Variants in PRKN observed in about 807,000 individuals in gnomAD.
PRKN encodes the protein E3 ubiquitin-protein ligase parkin.
In PRKN, 56 loss-of-function variants were observed where a neutral mutation model predicts 59.5. That is an observed-to-expected ratio of 0.94 (90% CI 0.76 to 1.18). The LOEUF (loss-of-function observed/expected upper bound fraction) is 1.18. PRKN is among the 50% of genes most tolerant of loss of function. The pLI is 0.00. For synonymous variants in PRKN, 250 were observed against 222.1 expected (o/e 1.13, Z -1.12); for missense variants, 657 against 596.4 (o/e 1.10, Z -1.06).
At chr6:161,606,545 A>G (rs1255119619) in intron 7 of PRKN, among the ~76,000 whole-genome samples, 2 of 152,216 alleles carry the variant, frequency 1.3e-5, no homozygotes, top group East Asian at 1.9e-4. Flanking sequence ...AAATAAATCT[A>G]TAAGGACAAA....
intron 1 of PRKN, among the ~76,000 whole-genome samples, chr6:162,469,236 C>T (rs1323324910): frequency 1.3e-5 from 2 of 150,744 alleles, no homozygotes; most frequent in African/African-American, 4.9e-5. Context: ...AAGAAAAGTT[C>T]AGAGGAGGCG....
rs2115427189 is a variant in PRKN, at chr6:161,549,106, G to A, written c.934-103C>T. ...GGGATTTCTTGCTTAACCAGTTTCA[G>A]TAAAATAATGCATGTGTGTGTGTGT... On this transcript the variant is annotated intron_variant, in intron 8 of 11. Coordinates refer to ENST00000366898, the MANE Select transcript of PRKN (RefSeq NM_004562.3). This position sits in a 1 kb window ranked among gnomAD's most constrained non-coding sequence, Gnocchi z 6.0. 1 of 1,281,366 alleles carries A rather than the reference G, an allele frequency of 7.8e-7. No individual in the cohort carries two copies. Among genetic ancestry groups the A allele is most frequent in the Non-Finnish European group, 1.1e-6 (1 of 892,400 alleles). The allele number at this position is 1,281,366 out of a possible 1,614,324, so 79.4% of individuals were successfully genotyped here. A position where few individuals can be genotyped will look rare whatever the true frequency, so the allele number is the denominator to read the frequency against.
intron 2 of PRKN, among the ~76,000 whole-genome samples, chr6:162,377,211 A>T (rs1015975394): frequency 1.1e-4 from 16 of 152,178 alleles, no homozygotes; most frequent in African/African-American, 3.9e-4. Flanking sequence ...ACTTGGTTGA[A>T]CTAATATTCA....
At chr6:161,731,684 C>T (rs572562789) in intron 7 of PRKN, among the ~76,000 whole-genome samples, 2 of 152,164 alleles carry the variant, frequency 1.3e-5, no homozygotes, top group South Asian at 4.1e-4. Context: ...GGATGGATTA[C>T]AAGTCAGAAA....
intron 1 of PRKN, among the ~76,000 whole-genome samples, chr6:162,493,817 A>G (rs995440173): frequency 2.0e-5 from 3 of 152,180 alleles, no homozygotes; most frequent in Admixed American, 2.0e-4. Flanking sequence ...CTAAATAAAG[A>G]TGGAGAAGAA....
intron 4 of PRKN, among the ~76,000 whole-genome samples, chr6:162,090,297 C>T (rs550076240): frequency 6.6e-6 from 1 of 152,222 alleles, no homozygotes; most frequent in East Asian, 1.9e-4. Flanking sequence ...ATATTTTAGA[C>T]ACAAGTAACA....
intron 6 of PRKN, among the ~76,000 whole-genome samples, chr6:161,930,467 T>A (rs936786658): frequency 2.0e-5 from 3 of 152,218 alleles, no homozygotes; most frequent in Middle Eastern, 6.3e-3. Context: ...AATTTAGTAA[T>A]CTACTTAAAT....
At chr6:162,430,510 C>T (rs1789466376) in intron 2 of PRKN, among the ~76,000 whole-genome samples, 1 of 151,758 alleles carries the variant, frequency 6.6e-6, no homozygotes, top group Non-Finnish European at 1.5e-5. Context: ...TAATGGGTGC[C>T]CAATAAAAGA....
At chr6:161,531,955 C>T (rs914544775) in intron 9 of PRKN, among the ~76,000 whole-genome samples, 1 of 152,090 alleles carries the variant, frequency 6.6e-6, no homozygotes, top group Non-Finnish European at 1.5e-5. Context: ...ACCAGAGATA[C>T]AGGCACTACA....
At chr6:161,873,675 A>G (rs1376868930) in intron 6 of PRKN, among the ~76,000 whole-genome samples, 1 of 151,910 alleles carries the variant, frequency 6.6e-6, no homozygotes, top group African/African-American at 2.4e-5. Flanking sequence ...GTTTGATTGT[A>G]GAAGGCAGGC....
At chr6:161,374,564 GGTGT>G (rs1293283729) in intron 10 of PRKN, among the ~76,000 whole-genome samples, 3 of 134,882 alleles carry the variant, frequency 2.2e-5, no homozygotes, top group Non-Finnish European at 4.7e-5. Context: ...ATGTGTGTGT[GGTGT>G]GTGTAATGGG....
intron 9 of PRKN, among the ~76,000 whole-genome samples, chr6:161,478,443 C>G (rs1791229859): frequency 6.6e-6 from 1 of 152,178 alleles, no homozygotes; most frequent in African/African-American, 2.4e-5. Context: ...TTACTGTTTA[C>G]CATCAGTATA....
At chr6:162,289,796 A>T (rs1458575278) in intron 2 of PRKN, among the ~76,000 whole-genome samples, 3 of 152,140 alleles carry the variant, frequency 2.0e-5, no homozygotes, top group African/African-American at 7.2e-5. Flanking sequence ...GCAGATAGCC[A>T]GCTGCCTCTG....
chr6:162,488,454 G>T (rs1368717934), intron 1 of PRKN, among the ~76,000 whole-genome samples: 2 of 152,108 alleles, frequency 1.3e-5, no homozygotes, highest in African/African-American at 4.8e-5. Context: ...GGTGTGGGTC[G>T]CCTCCAGCTG....
rs1253694396 is a variant in PRKN, at chr6:161,576,246, C to T, written c.872-6830G>A. On this transcript the variant is annotated intron_variant, in intron 7 of 11. Coordinates refer to ENST00000366898, the MANE Select transcript of PRKN (RefSeq NM_004562.3). This position sits in a 1 kb window ranked among gnomAD's most constrained non-coding sequence, Gnocchi z 4.6. ...AAAGCCAAGCTTATTTTAATCCTTTCTCTCTGCTGATGGGTTTTTATTTAT... is the reference window on the plus strand; with the variant it reads ...AAAGCCAAGCTTATTTTAATCCTTTTTCTCTGCTGATGGGTTTTTATTTAT... Among the ~76,000 whole-genome samples, 1 of 152,182 alleles carries T rather than the reference C, an allele frequency of 6.6e-6. No homozygotes were observed. Among genetic ancestry groups the T allele is most frequent in the African/African-American group, 2.4e-5 (1 of 41,450 alleles).
chr6:162,228,462 C>T (rs1309175911), intron 3 of PRKN, among the ~76,000 whole-genome samples: 1 of 152,066 alleles, frequency 6.6e-6, no homozygotes, highest in African/African-American at 2.4e-5. Context: ...CAGAACTAAT[C>T]CTTTCCTGTA....
At chr6:162,289,409 T>G (rs1781328915) in intron 2 of PRKN, among the ~76,000 whole-genome samples, 2 of 150,868 alleles carry the variant, frequency 1.3e-5, no homozygotes, top group Admixed American at 6.6e-5. Flanking sequence ...AAAATAGGTG[T>G]TTTTTTTTAG....
At chr6:161,565,463 G>C (rs928279418) in intron 8 of PRKN, among the ~76,000 whole-genome samples, 2 of 152,160 alleles carry the variant, frequency 1.3e-5, no homozygotes, top group Non-Finnish European at 2.9e-5. Context: ...AAGGGTGGAA[G>C]TGATTGGATC....
intron 5 of PRKN, among the ~76,000 whole-genome samples, chr6:161,989,590 C>T (rs1044000532): frequency 1.3e-5 from 2 of 151,932 alleles, no homozygotes; most frequent in South Asian, 4.2e-4. Flanking sequence ...GACCTGGGGA[C>T]CAATGTGTCC....
Sources: gnomAD v4.1 joint callset for allele counts (sites outside exome capture counted in the v4.1 genomes callset) on GRCh38, gnomAD v4.1.1 for gene constraint, Gnocchi (gnomAD v3.1) non-coding constraint, MANE v1.5 for transcripts, NCBI Gene and HGNC (gene_info 2026-07-23, HGNC 2026-07-21) for gene names.